The following RHOT1 variants were observed in gnomAD, a reference collection of about 807,000 sequenced individuals.
The protein encoded by RHOT1 is ras homolog family member T1.
RHOT1 carries 27 observed loss-of-function variants against 95.3 expected under a neutral mutation model. The observed-to-expected ratio is 0.28, with a 90% CI of 0.21 to 0.39. The LOEUF is 0.39. Ranked by LOEUF, RHOT1 falls within the 10% of genes least tolerant of loss-of-function variation. The pLI, the probability that RHOT1 is intolerant of heterozygous loss-of-function variation, is 1.00. For synonymous variants in RHOT1, 227 were observed against 263.5 expected (o/e 0.86, Z 1.34); for missense variants, 578 against 786.7 (o/e 0.73, Z 3.17).
intron 1 of RHOT1, among the ~76,000 whole-genome samples, chr17:32,148,610 C>T (rs867255121): frequency 2.6e-5 from 4 of 152,162 alleles, no homozygotes; most frequent in Non-Finnish European, 5.9e-5. Flanking sequence ...TTAGCTATTT[C>T]GCCAAATGCT....
intron 11 of RHOT1, among the ~76,000 whole-genome samples, chr17:32,197,435 T>A (rs56804321): frequency 0.043 from 6,453 of 151,316 alleles, 455 homozygotes; most frequent in African/African-American, 0.15. Flanking sequence ...TTTATTTTTT[T>A]ATTTTTTGAG....
intron 18 of RHOT1, chr17:32,209,119 A>G (rs2037956128): frequency 3.8e-6 from 1 of 265,882 alleles, no homozygotes; most frequent in African/African-American, 2.2e-5. Context: ...GTAATAATCA[A>G]ACATTGCTAT....
chr17:32,192,189 A>G lies in RHOT1; in HGVS notation c.541-12A>G. 1 of 1,223,516 alleles carries G rather than the reference A, an allele frequency of 8.2e-7. No homozygotes were observed. Among genetic ancestry groups the G allele is most frequent in the South Asian group, 1.3e-5 (1 of 75,168 alleles). The allele number at this position is 1,223,516 out of a possible 1,614,324, so 75.8% of individuals were successfully genotyped here. A position where few individuals can be genotyped will look rare whatever the true frequency, so the allele number is the denominator to read the frequency against. On this transcript the variant is annotated splice_polypyrimidine_tract_variant and intron_variant, in intron 8 of 19. Coordinates refer to ENST00000545287, the MANE Select transcript of RHOT1 (RefSeq NM_001033566.3). ...AGTTTAAACAATTATTTCTTTTCTC[A>G]ATGATTTATAGATGAAACCAGCTTG...
intron 1 of RHOT1, among the ~76,000 whole-genome samples, chr17:32,163,497 C>A (rs1567664650): frequency 6.6e-6 from 1 of 152,016 alleles, no homozygotes; most frequent in Non-Finnish European, 1.5e-5. Context: ...TTTTGGGAGG[C>A]CAAGGTGGGC....
chr17:32,206,192 C>CTTTTTTTTTTT lies in RHOT1; in HGVS notation c.1417-698_1417-688dup, dbSNP rs71144812. Among the ~76,000 whole-genome samples the CTTTTTTTTTTT allele has an allele frequency of 8.3e-5, 5 of 60,528 alleles. 1 individual carries two copies. The highest frequency in any genetic ancestry group is 3.8e-4 in the African/African-American group (5 of 13,000). The allele number at this position is 60,528 out of a possible 152,430, so 39.7% of individuals were successfully genotyped here. On this transcript the variant is annotated intron_variant, in intron 16 of 19. Coordinates refer to ENST00000545287, the MANE Select transcript of RHOT1 (RefSeq NM_001033566.3). ...TCACTAATACTAGCTTCCATAGAAT[C>CTTTTTTTTTTT]TTTTTTTTTTTTTTTTTTTTTTTTT...
intron 1 of RHOT1, among the ~76,000 whole-genome samples, chr17:32,161,878 A>T (rs959614454): frequency 2.0e-5 from 3 of 152,156 alleles, no homozygotes; most frequent in African/African-American, 7.2e-5. Flanking sequence ...AAAGTGCTAT[A>T]TTCACGATTA....
At chr17:32,223,634 C>T (rs1004790988) in intron 19 of RHOT1, among the ~76,000 whole-genome samples, 7 of 151,876 alleles carry the variant, frequency 4.6e-5, no homozygotes, top group African/African-American at 1.7e-4. Flanking sequence ...AGGCCAGTCT[C>T]GAACTCCTGA....
At chr17:32,184,222 A>G (rs994655108) in intron 8 of RHOT1, among the ~76,000 whole-genome samples, 2 of 152,214 alleles carry the variant, frequency 1.3e-5, no homozygotes, top group African/African-American at 2.4e-5. Context: ...CCCTGTACCT[A>G]TTAGCAGTCA....
chr17:32,213,146 C>G (rs2038239609), intron 19 of RHOT1, among the ~76,000 whole-genome samples: 1 of 152,162 alleles, frequency 6.6e-6, no homozygotes, highest in Admixed American at 6.5e-5. Flanking sequence ...GATGTCCCCT[C>G]CTTTCTGATG....
intron 6 of RHOT1, among the ~76,000 whole-genome samples, chr17:32,177,018 A>G (rs1394396357): frequency 6.6e-6 from 1 of 152,208 alleles, no homozygotes; most frequent in East Asian, 1.9e-4. Flanking sequence ...GACTATGGTC[A>G]TTAACCCTCT....
chr17:32,200,193 A>T lies in RHOT1; in HGVS notation c.1100+643A>T, dbSNP rs547673477. Among the ~76,000 whole-genome samples the T allele has an allele frequency of 3.9e-5, 6 of 152,158 alleles. No individual in the cohort carries two copies. In the South Asian group the frequency reaches 1.2e-3, roughly 32 times the overall value. On this transcript the variant is annotated intron_variant, in intron 13 of 19. Transcript: ENST00000545287. ...ACTTATTTAACTATCCCATAATTAT[A>T]TATTTTTATCATTTTTGGGTTTTTT...
Position 32,192,171 on chromosome 17 carries a change from A to G in RHOT1, c.541-30A>G, listed in dbSNP as rs772564544. Reference sequence around the variant, plus strand: ...ATTGCTTATGAAAATCACAGTTTAAACAATTATTTCTTTTCTCAATGATTT... The same window carrying G: ...ATTGCTTATGAAAATCACAGTTTAAGCAATTATTTCTTTTCTCAATGATTT... On this transcript the variant is annotated intron_variant, in intron 8 of 19. Transcript: ENST00000545287. The G allele has an allele frequency of 2.8e-6, 3 of 1,053,252 alleles. No homozygotes were observed. In the Admixed American group the frequency reaches 6.9e-5, roughly 24 times the overall value. The allele number at this position is 1,053,252 out of a possible 1,614,324, so 65.2% of individuals were successfully genotyped here.
intron 1 of RHOT1, among the ~76,000 whole-genome samples, chr17:32,161,884 G>A (rs112207726): frequency 5.3e-5 from 8 of 152,108 alleles, no homozygotes; most frequent in African/African-American, 1.7e-4. Context: ...CTATATTCAC[G>A]ATTATACAAA....
chr17:32,147,559 C>G (rs138800357), intron 1 of RHOT1, among the ~76,000 whole-genome samples: 6 of 152,016 alleles, frequency 3.9e-5, no homozygotes, highest in African/African-American at 1.4e-4. Context: ...CGCGGTGGCT[C>G]ACACCTGTAA....
intron 1 of RHOT1, chr17:32,151,204 C>T: frequency 1.3e-6 from 1 of 757,732 alleles, no homozygotes; most frequent in Non-Finnish European, 2.5e-6. Flanking sequence ...TGTCTGGGAA[C>T]ATGGTCTGGC....
chr17:32,142,762 C>G (rs1259588595), intron 1 of RHOT1, 33 bp downstream of exon 1: 7 of 1,476,668 alleles, frequency 4.7e-6, no homozygotes, highest in Non-Finnish European at 5.4e-6. Context: ...GCCCCTGAGT[C>G]CCTGCCCTCC....
At chr17:32,214,542 T>C (rs924569701) in intron 19 of RHOT1, among the ~76,000 whole-genome samples, 5 of 152,082 alleles carry the variant, frequency 3.3e-5, no homozygotes, top group African/African-American at 1.2e-4. Flanking sequence ...AGAATGAAAA[T>C]GTCTCTGGTC....
chr17:32,208,349 A>G (rs370611348), intron 18 of RHOT1, 40 bp downstream of exon 18: 7 of 1,505,776 alleles, frequency 4.6e-6, no homozygotes, highest in African/African-American at 4.1e-5. Flanking sequence ...TGCATGGTTC[A>G]TAACATTGCA....
rs374902577 is a variant in RHOT1, at chr17:32,209,302, A to C, written c.1739+993A>C. ...ATTATTATAGAATAACCAAAACCTT[A>C]TTTATGTTTTACCTTTGCTTTAAAA... is the stretch of plus-strand genomic sequence containing the variant. On this transcript the variant is annotated intron_variant, in intron 18 of 19. Coordinates refer to ENST00000545287, the MANE Select transcript of RHOT1 (RefSeq NM_001033566.3). The C allele has an allele frequency of 4.0e-5, 42 of 1,058,004 alleles. No homozygotes were observed. In the African/African-American group the frequency reaches 5.5e-4, roughly 14 times the overall value. The allele number at this position is 1,058,004 out of a possible 1,614,324, so 65.5% of individuals were successfully genotyped here.
Sources: allele counts gnomAD v4.1 joint callset (sites outside exome capture counted in the v4.1 genomes callset), GRCh38; gene constraint gnomAD v4.1.1; transcripts MANE v1.5; gene names NCBI Gene and HGNC (gene_info 2026-07-23, HGNC 2026-07-21).